The following NOM1 variants were observed in gnomAD, a reference collection of about 807,000 sequenced individuals.
The protein encoded by NOM1 is nucleolar protein with MIF4G domain 1, also known as nucleolar MIF4G domain-containing protein 1.
In NOM1, 58 loss-of-function variants were observed where a neutral mutation model predicts 73.3. That is an observed-to-expected ratio of 0.79 (90% CI 0.64 to 0.99). NOM1 has a LOEUF of 0.99. NOM1 is among the 50% of genes least tolerant of loss of function. NOM1 has a pLI of 0.00. For synonymous variants in NOM1, 487 were observed against 446.8 expected, an observed-to-expected ratio of 1.09 and a Z score of -1.14; for missense variants, 1,226 against 1,131.9, an observed-to-expected ratio of 1.08 and a Z score of -1.19.
At chr7:156,966,194 T>C in intron 7 of NOM1, 76 bp from the exon 8 acceptor site, 1 of 1,573,452 alleles carries the variant, frequency 6.4e-7, no homozygotes, top group Non-Finnish European at 8.6e-7. Flanking sequence ...GGCGGGAAGA[T>C]GTTCCCCTGA....
At chr7:156,954,751 C>A (rs1476307566) in intron 3 of NOM1, among the ~76,000 whole-genome samples, 2 of 152,112 alleles carry the variant, frequency 1.3e-5, no homozygotes, top group African/African-American at 4.8e-5. Flanking sequence ...CAGTGATCCT[C>A]CTGCTTTGGC....
In NOM1 at chr7:156,963,053, T is replaced by A; in HGVS notation, c.1789T>A (p.Trp597Arg). 6.2e-7 allele frequency: 1 copy of A among 1,614,200 alleles called. No individual in the cohort carries two copies. The highest frequency in any genetic ancestry group is 8.5e-7 in the Non-Finnish European group (1 of 1,180,006). The change falls in exon 6 of 11, where the codon TGG (tryptophan) becomes AGG (arginine). Residue 597 changes from tryptophan (W) to arginine (R), a missense_variant. Coordinates refer to ENST00000275820, the MANE Select transcript of NOM1 (RefSeq NM_138400.2). The stretch of plus-strand genomic sequence containing the variant: ...TTCTGAGACGCAGCTTCGCGTCTCC[T>A]GGGACAGTGTCTTGAGTGCGGAGCA... Reference protein sequence around the residue: ...SGSETQLRVSWDSVLSAEQTG... With the variant: ...SGSETQLRVSRDSVLSAEQTG...
At position 156,966,356 on chromosome 7, in the gene NOM1, A is replaced by G. The variant is rs115973091; in HGVS notation, c.2120A>G (p.Tyr707Cys). Reference protein sequence around the residue: ...CLQEKTYNPFYAFLASKFCEY... With the variant: ...CLQEKTYNPFCAFLASKFCEY... ...CAAGAGAAAACTTACAATCCCTTCT[A>G]TGCTTTCCTGGCTAGCAAATTCTGT... The change falls in exon 8 of 11, where the codon TAT becomes TGT. Residue 707 changes from tyrosine to cysteine, a missense_variant. By Grantham distance (194) the Tyr-to-Cys change is radical (BLOSUM62 -2). Coordinates refer to ENST00000275820, the MANE Select transcript of NOM1 (RefSeq NM_138400.2). The G allele has an allele frequency of 1.0e-4, 161 of 1,614,202 alleles. No homozygotes were observed. In the African/African-American group the frequency reaches 1.9e-3, roughly 19 times the overall value.
rs767719794 is a variant in NOM1, at chr7:156,950,140, A to G, written c.403A>G (p.Ser135Gly). 9.5e-6 allele frequency: 15 copies of G among 1,575,892 alleles called. No individual in the cohort carries two copies. The African/African-American group carries it at 1.9e-4, about 20-fold the overall frequency. Residue 135 changes from serine (S) to glycine (G), a missense_variant, in exon 1 of 11, where the codon AGT becomes GGT. Coordinates refer to ENST00000275820, the MANE Select transcript of NOM1 (RefSeq NM_138400.2). ...DTEERARPAP[S>G]RDPSPPRKPR... is the part of the protein sequence containing the mutation. ...GGAGGAGCGCGCCCGCCCAGCCCCTAGTCGGGACCCCTCGCCTCCCAGGAA... is the reference window on the plus strand; with the variant it reads ...GGAGGAGCGCGCCCGCCCAGCCCCTGGTCGGGACCCCTCGCCTCCCAGGAA...
intron 6 of NOM1, chr7:156,963,485 G>T: frequency 2.1e-6 from 1 of 468,984 alleles, no homozygotes; most frequent in East Asian, 4.1e-5. Context: ...TGCCCCCCGG[G>T]CTGTGCATTC....
Position 156,969,920 on chromosome 7 carries a change from G to C in NOM1, c.*217G>C, listed in dbSNP as rs776632631. ...TTGGGGGTGAGAGGAGAAGGAGGGA[G>C]GGAAAAGGGGTCAGGCACACTGGAC... On this transcript the variant is annotated 3_prime_UTR_variant, in exon 11 of 11. Transcript: ENST00000275820. 144 of 371,950 alleles carry C rather than the reference G, an allele frequency of 3.9e-4. No homozygotes were observed. Among genetic ancestry groups the C allele is most frequent in the Non-Finnish European group, 4.5e-4 (94 of 207,080 alleles). 23.0% of individuals were successfully genotyped at this position (371,950 alleles called of 1,614,324 possible).
At chr7:156,969,451 A>G in intron 10 of NOM1, 78 bp from the exon 11 acceptor site, 1 of 1,218,330 alleles carries the variant, frequency 8.2e-7, no homozygotes, top group South Asian at 1.4e-5. Context: ...GTTATGTCTC[A>G]CTATGCGAGA....
intron 1 of NOM1, 102 bp downstream of exon 1, chr7:156,950,826 A>G (rs1235724081): frequency 3.2e-5 from 34 of 1,050,200 alleles, no homozygotes; most frequent in Non-Finnish European, 4.5e-5. Context: ...GTGTCTTGAT[A>G]ATGGTTTCAG....
rs372503362 is a variant in NOM1, at chr7:156,970,595, G to A, written c.*892G>A. On this transcript the variant is annotated 3_prime_UTR_variant, in exon 11 of 11. Transcript: ENST00000275820. The stretch of plus-strand genomic sequence containing the variant: ...TAATTTTTGTATTTTAGTAGAGATG[G>A]GTTTCACCATGTTGGCAAGGCTGGT... The A allele has an allele frequency of 7.7e-4, 117 of 151,860 alleles. No individual in the cohort carries two copies. The highest frequency in any genetic ancestry group is 2.7e-3 in the African/African-American group (111 of 41,416). The allele number at this position is 151,860 out of a possible 1,614,324, so 9.4% of individuals were successfully genotyped here. A position where few individuals can be genotyped will look rare whatever the true frequency, so the allele number is the denominator to read the frequency against.
chr7:156,954,065 G>C (rs1804658181), intron 2 of NOM1, 38 bp from the exon 3 acceptor site: 1 of 1,548,422 alleles, frequency 6.5e-7, no homozygotes, highest in Non-Finnish European at 8.7e-7. Context: ...TTCCTAATTG[G>C]AAACATTGTT....
chr7:156,962,975 A>G (rs200453645), intron 5 of NOM1, 33 bp from the exon 6 acceptor site: 2 of 1,596,634 alleles, frequency 1.3e-6, no homozygotes, highest in Middle Eastern at 1.7e-4. Flanking sequence ...GAACCAATTA[A>G]AAGCATTTCA....
chr7:156,958,494 AG>A (rs1434598652), intron 3 of NOM1: 2 of 152,202 alleles, frequency 1.3e-5, no homozygotes, highest in Non-Finnish European at 2.9e-5. Flanking sequence ...TTCTCCCTCC[AG>A]TCCCAGCTTA....
chr7:156,950,575 A>G lies in NOM1; in HGVS notation c.838A>G (p.Ser280Gly). 1 of 1,602,366 alleles carries G rather than the reference A, an allele frequency of 6.2e-7. No homozygotes were observed. Among genetic ancestry groups the G allele is most frequent in the South Asian group, 1.1e-5 (1 of 90,238 alleles). The change falls in exon 1 of 11, where the codon AGC (serine) becomes GGC (glycine). Residue 280 changes from serine to glycine, a missense_variant. Ser to Gly is a moderately conservative substitution (Grantham distance 56). Transcript: ENST00000275820. ...EKKAQEAEAQSEDDDEDTEEE... is the reference protein window; with the variant it reads ...EKKAQEAEAQGEDDDEDTEEE... ...GAAGGCGCAGGAAGCAGAAGCGCAG[A>G]GCGAGGACGACGACGAGGATACAGA...
chr7:156,950,509 G>GA lies in NOM1; in HGVS notation c.775dup (p.Ser259LysfsTer2). The stretch of plus-strand genomic sequence containing the variant: ...TGACTTAGAGAGTGACTCCCAGGAC[G>GA]AAAGTGAGGAGGAGGAGGAGGGAGA... On this transcript the variant is annotated frameshift_variant, in exon 1 of 11. Transcript: ENST00000275820. LOFTEE classifies it high-confidence loss of function. The GA allele has an allele frequency of 1.2e-6, 2 of 1,614,134 alleles. No homozygotes were observed. The highest frequency in any genetic ancestry group is 1.1e-5 in the South Asian group (1 of 91,084).
intron 5 of NOM1, among the ~76,000 whole-genome samples, chr7:156,962,664 G>A (rs1371803590): frequency 6.6e-6 from 1 of 152,192 alleles, no homozygotes; most frequent in Non-Finnish European, 1.5e-5. Context: ...GTTGGAGTGA[G>A]TCTTTCAGCC....
At chr7:156,967,138 G>T in intron 9 of NOM1, 46 bp downstream of exon 9, 3 of 1,596,248 alleles carry the variant, frequency 1.9e-6, no homozygotes, top group African/African-American at 1.3e-5. Flanking sequence ...AAATGGGAGT[G>T]TAATTGTTTA....
Position 156,952,530 on chromosome 7 carries a change from G to A in NOM1, c.1044G>A (p.Glu348=), listed in dbSNP as rs59371845. 8.9e-3 allele frequency: 14,399 copies of A among 1,613,990 alleles called. 1,109 individuals are homozygous for A. In the African/African-American group the frequency reaches 0.17, roughly 19 times the overall value. The stretch of plus-strand genomic sequence containing the variant: ...CACCTCATGTGAGGCAAGCTGAGGA[G>A]ACAGTGGACTTCAAGAAAAAGGAAG... The part of the protein sequence containing the change: ...YIPPHVRQAE[E]TVDFKKKEEL... Residue 348 remains glutamate (E), a synonymous_variant, in exon 2 of 11, where the codon GAG becomes GAA. Transcript: ENST00000275820.
intron 3 of NOM1, among the ~76,000 whole-genome samples, chr7:156,956,895 C>T (rs1284576925): frequency 6.6e-6 from 1 of 152,156 alleles, no homozygotes; most frequent in Non-Finnish European, 1.5e-5. Context: ...TTGGTACCTC[C>T]CTGTCCTCCT....
intron 3 of NOM1, among the ~76,000 whole-genome samples, chr7:156,956,784 C>T (rs1048989616): frequency 6.6e-6 from 1 of 152,190 alleles, no homozygotes; most frequent in African/African-American, 2.4e-5. Flanking sequence ...CATGTATGAG[C>T]ATGTGGGAGT....
Sources: gnomAD v4.1 joint callset for allele counts (sites outside exome capture counted in the v4.1 genomes callset) on GRCh38, gnomAD v4.1.1 for gene constraint, MANE v1.5 for transcripts, NCBI Gene and HGNC (gene_info 2026-07-23, HGNC 2026-07-21) for gene names.